Variants in TMEM255B observed in about 807,000 individuals in gnomAD.
TMEM255B encodes the protein transmembrane protein 255B, also known as family with sequence similarity 70, member B.
TMEM255B carries 35 observed loss-of-function variants against 34.5 expected under a neutral mutation model. The ratio of observed to expected loss-of-function variants is 1.01; its 90% CI spans 0.77 to 1.34. TMEM255B has a LOEUF of 1.34. TMEM255B is among the 40% of genes most tolerant of loss of function. The probability of loss-of-function intolerance (pLI) is 0.00; values close to 1 mark genes in which losing one functional copy is unlikely to be tolerated. For missense variants in TMEM255B, 432 were observed against 433.2 expected (o/e 1.00, Z 0.02); for synonymous variants, 206 against 201.2 (o/e 1.02, Z -0.20).
At chr13:113,783,400 G>A (rs535387389) in intron 3 of TMEM255B, among the ~76,000 whole-genome samples, 2 of 152,192 alleles carry the variant, frequency 1.3e-5, no homozygotes, top group Non-Finnish European at 2.9e-5. Context: ...TATCTGCGTC[G>A]GCCTCAGCTG....
At chr13:113,774,595 CAAATGA>C (rs2050531292) in intron 3 of TMEM255B, among the ~76,000 whole-genome samples, 1 of 145,824 alleles carries the variant, frequency 6.9e-6, no homozygotes, top group Non-Finnish European at 1.5e-5. Context: ...ACACAACACA[CAAATGA>C]CACACACCAC....
chr13:113,800,160 G>A (rs1594158738), intron 5 of TMEM255B: 1 of 538,866 alleles, frequency 1.9e-6, no homozygotes, highest in Non-Finnish European at 2.5e-6. Context: ...GTGTGTATGT[G>A]TATGTGTGTG....
intron 8 of TMEM255B, among the ~76,000 whole-genome samples, chr13:113,809,764 TC>T: frequency 6.6e-6 from 1 of 152,240 alleles, no homozygotes; most frequent in South Asian, 2.1e-4. Context: ...CTGGGGTTTA[TC>T]TGTGGTCCTG....
chr13:113,774,481 C>T (rs2050526501), intron 3 of TMEM255B, among the ~76,000 whole-genome samples: 1 of 152,056 alleles, frequency 6.6e-6, no homozygotes, highest in Non-Finnish European at 1.5e-5. Context: ...TCTCCTGTGC[C>T]CCACGTATGT....
intron 3 of TMEM255B, among the ~76,000 whole-genome samples, chr13:113,787,776 G>C (rs2050768151): frequency 6.6e-6 from 1 of 151,634 alleles, no homozygotes; most frequent in Non-Finnish European, 1.5e-5. Context: ...ATGGTGAATC[G>C]CGTCAGCTGG....
intron 3 of TMEM255B, among the ~76,000 whole-genome samples, chr13:113,794,286 G>A (rs146254196): frequency 1.0e-3 from 157 of 152,206 alleles, no homozygotes; most frequent in African/African-American, 3.7e-3. Flanking sequence ...ACCCACGCTC[G>A]TGCCTGGTGC....
intron 3 of TMEM255B, among the ~76,000 whole-genome samples, chr13:113,786,585 C>G (rs554779677): frequency 5.1e-4 from 77 of 151,980 alleles, no homozygotes; most frequent in Non-Finnish European, 2.5e-4. Context: ...ATCATCATCA[C>G]CATCATCACT....
chr13:113,768,027 A>G (rs1461413126), intron 2 of TMEM255B: 1 of 359,564 alleles, frequency 2.8e-6, no homozygotes, highest in Non-Finnish European at 5.8e-6. Flanking sequence ...CACCACAGAC[A>G]CACAGACAAT....
intron 8 of TMEM255B, among the ~76,000 whole-genome samples, chr13:113,811,210 T>C: frequency 1.4e-5 from 1 of 69,664 alleles, no homozygotes; most frequent in Non-Finnish European, 2.6e-5. Context: ...AGGTCCTGGA[T>C]CTGTGGGGGG....
intron 3 of TMEM255B, among the ~76,000 whole-genome samples, chr13:113,787,411 C>T (rs1176862140): frequency 2.0e-5 from 3 of 152,188 alleles, no homozygotes; most frequent in Non-Finnish European, 4.4e-5. Context: ...CAGAGGCTGC[C>T]TGTTGCTGAC....
At chr13:113,776,086 C>A (rs1469933366) in intron 3 of TMEM255B, among the ~76,000 whole-genome samples, 1 of 152,344 alleles carries the variant, frequency 6.6e-6, no homozygotes, top group Admixed American at 6.5e-5. Flanking sequence ...ACGCCTCAGG[C>A]CACACCTGCA....
chr13:113,774,822 A>G (rs1411330332), intron 3 of TMEM255B, among the ~76,000 whole-genome samples: 1 of 150,202 alleles, frequency 6.7e-6, no homozygotes, highest in Non-Finnish European at 1.5e-5. Flanking sequence ...CACACCACCT[A>G]CAACACACAC....
chr13:113,772,423 G>T (rs1278111239), intron 3 of TMEM255B, among the ~76,000 whole-genome samples: 9 of 152,164 alleles, frequency 5.9e-5, no homozygotes, highest in South Asian at 4.1e-4. Flanking sequence ...CTAAGGACAT[G>T]AAGATTTACC....
intron 4 of TMEM255B, 93 bp from the exon 5 acceptor site, chr13:113,799,246 C>T (rs2138571032): frequency 1.6e-5 from 20 of 1,258,852 alleles, no homozygotes; most frequent in Non-Finnish European, 2.0e-5. Flanking sequence ...CCTTGAGGCC[C>T]TGAGCCTGAG....
chr13:113,760,438 T>C (rs963050101), intron 1 of TMEM255B, among the ~76,000 whole-genome samples: 1 of 152,244 alleles, frequency 6.6e-6, no homozygotes, highest in African/African-American at 2.4e-5. Context: ...GATTTTCTTC[T>C]GACAAAGAAC....
intron 7 of TMEM255B, 68 bp downstream of exon 7, chr13:113,801,880 T>G: frequency 6.9e-7 from 1 of 1,457,036 alleles, no homozygotes; most frequent in Non-Finnish European, 9.2e-7. Flanking sequence ...TTCCCCGGGG[T>G]GGGCTGGGGG....
rs1290944788 is a variant in TMEM255B, at chr13:113,813,016, G to A, written c.*1113G>A. On this transcript the variant is annotated 3_prime_UTR_variant, in exon 9 of 9. Coordinates refer to ENST00000375353, the MANE Select transcript of TMEM255B (RefSeq NM_182614.4). Reference sequence around the variant, plus strand: ...GGTCACGGGTCCCGAGTGGGTCACGGGTCCCGGGTGGGTCACAGGCGCCCC... The same window carrying A: ...GGTCACGGGTCCCGAGTGGGTCACGAGTCCCGGGTGGGTCACAGGCGCCCC... 1 of 122,968 alleles carries A rather than the reference G, an allele frequency of 8.1e-6. No individual in the cohort carries two copies. Among genetic ancestry groups the A allele is most frequent in the Non-Finnish European group, 1.6e-5 (1 of 62,950 alleles). The allele number at this position is 122,968 out of a possible 1,614,324, so 7.6% of individuals were successfully genotyped here. A position where few individuals can be genotyped will look rare whatever the true frequency, so the allele number is the denominator to read the frequency against.
At chr13:113,801,986 G>T (rs1430105030) in intron 7 of TMEM255B, among the ~76,000 whole-genome samples, 174 bp downstream of exon 7, 1 of 152,198 alleles carries the variant, frequency 6.6e-6, no homozygotes, top group Non-Finnish European at 1.5e-5. Context: ...CTCACCTCGG[G>T]GCCGTCCTGT....
At chr13:113,791,702 T>C (rs9550256) in intron 3 of TMEM255B, among the ~76,000 whole-genome samples, 1 of 152,086 alleles carries the variant, frequency 6.6e-6, no homozygotes, top group Non-Finnish European at 1.5e-5. Flanking sequence ...ATTAGAAGGA[T>C]GGGTCGAGCG....
Sources: allele counts gnomAD v4.1 joint callset (sites outside exome capture counted in the v4.1 genomes callset), GRCh38; gene constraint gnomAD v4.1.1; transcripts MANE v1.5; gene names NCBI Gene and HGNC (gene_info 2026-07-23, HGNC 2026-07-21).